Variants in PRPF8 observed in about 807,000 individuals in gnomAD.
PRPF8 encodes pre-mRNA-processing-splicing factor 8.
A neutral mutation model predicts 285.9 loss-of-function variants in PRPF8; 64 were observed. The observed-to-expected ratio is 0.22, with a 90% CI of 0.18 to 0.28. The LOEUF (loss-of-function observed/expected upper bound fraction) is 0.28. Ranked by LOEUF, PRPF8 falls within the 10% of genes least tolerant of loss-of-function variation. PRPF8 has a pLI of 1.00. For missense variants in PRPF8, 1,426 were observed against 3,026.7 expected (o/e 0.47, Z 12.41); for synonymous variants, 1,325 against 1,118.2 (o/e 1.18, Z -3.69).
intron 21 of PRPF8, 141 bp downstream of exon 21, chr17:1,674,301 C>T (rs975073224): frequency 4.0e-5 from 36 of 898,094 alleles, no homozygotes; most frequent in Non-Finnish European, 4.8e-5. Flanking sequence ...GGATTACAGG[C>T]GTGAGCTACC....
rs1249790552 is a variant in PRPF8, at chr17:1,661,941, T to G, written c.3987A>C (p.Ser1329=). 1 of 1,613,964 alleles carries G rather than the reference T, an allele frequency of 6.2e-7. No homozygotes were observed. ...ATTGGGGGATGAGCACATGGCCCAT[T>G]GAGAGCATGCCGAGTCCACCCAACT... ...PKELGGLGML[S]MGHVLIPQSD... is the part of the protein sequence containing the mutation. The change falls in exon 25 of 43, where the codon TCA becomes TCC. Residue 1329 remains serine, a synonymous_variant. Coordinates refer to ENST00000304992, the MANE Select transcript of PRPF8 (RefSeq NM_006445.4). This position sits in a 1 kb window ranked among gnomAD's most constrained non-coding sequence, Gnocchi z 7.3.
intron 24 of PRPF8, among the ~76,000 whole-genome samples, chr17:1,672,056 A>G (rs910941453): frequency 1.4e-4 from 21 of 152,168 alleles, no homozygotes; most frequent in African/African-American, 5.1e-4. Context: ...AAAATCTGAA[A>G]TCCAAAACAT....
intron 24 of PRPF8, among the ~76,000 whole-genome samples, chr17:1,672,658 C>T (rs1285898430): frequency 6.6e-6 from 1 of 152,050 alleles, no homozygotes; most frequent in Non-Finnish European, 1.5e-5. Flanking sequence ...TTCTCAATTC[C>T]GGTTGCCTTC....
At position 1,684,408 on chromosome 17, in the gene PRPF8, C is replaced by T; in HGVS notation, c.100+64G>A. 3.2e-6 allele frequency: 5 copies of T among 1,560,094 alleles called. No homozygotes were observed. The Admixed American group carries it at 8.4e-5, about 26-fold the overall frequency. ...TGCCCAAACGGGGAGGGTCCCCACC[C>T]GCCTGCGCGCGCGCACACCCGCCCC... On this transcript the variant is annotated intron_variant, in intron 2 of 42. Coordinates refer to ENST00000304992, the MANE Select transcript of PRPF8 (RefSeq NM_006445.4).
chr17:1,680,240 T>C (rs1234830759), intron 8 of PRPF8, among the ~76,000 whole-genome samples: 2 of 152,208 alleles, frequency 1.3e-5, no homozygotes, highest in South Asian at 2.1e-4. Context: ...GCCAAATCTA[T>C]AGACAGAAAG....
rs780039925 is a variant in PRPF8, at chr17:1,650,811, C to T, written c.6999G>A (p.Leu2333=). 45 of 1,613,938 alleles carry T rather than the reference C, an allele frequency of 2.8e-5. No homozygotes were observed. The highest frequency in any genetic ancestry group is 3.6e-5 in the Non-Finnish European group (43 of 1,180,006). Reference sequence around the variant, plus strand: ...GGAGGCAGGGAAACGGTCAGGCATACAGGTCCTCCCGATCCGCAGAGTAAA... The same window carrying T: ...GGAGGCAGGGAAACGGTCAGGCATATAGGTCCTCCCGATCCGCAGAGTAAA... ...GEVYSADRED[L]YA Residue 2333 remains leucine, a synonymous_variant, in exon 43 of 43, where the codon CTG becomes CTA. Coordinates refer to ENST00000304992, the MANE Select transcript of PRPF8 (RefSeq NM_006445.4).
rs769676574 is a variant in PRPF8, at chr17:1,684,513, G to C, written c.59C>G (p.Pro20Arg). The C allele has an allele frequency of 4.3e-6, 7 of 1,612,646 alleles. No homozygotes were observed. The Admixed American group carries it at 8.3e-5, about 19-fold the overall frequency. Residue 20 changes from proline (P) to arginine (R), a missense_variant, in exon 2 of 43, where the codon CCG becomes CGG. Around this residue, in one of 34 missense-constraint regions of PRPF8, gnomAD observed 72 missense variants for 80.0 expected, o/e 0.90. Coordinates refer to ENST00000304992, the MANE Select transcript of PRPF8 (RefSeq NM_006445.4). ...PGNPVPGPLA[P>R]LPDYMSEEKL... ...CTCCTCCGACATGTAGTCCGGTAGCGGGGCTAGAGGGCCAGGCACCGGGTT... is the reference window on the plus strand; with the variant it reads ...CTCCTCCGACATGTAGTCCGGTAGCCGGGCTAGAGGGCCAGGCACCGGGTT...
intron 24 of PRPF8, among the ~76,000 whole-genome samples, chr17:1,671,474 A>T (rs780702253): frequency 6.6e-6 from 1 of 152,180 alleles, no homozygotes; most frequent in Admixed American, 6.5e-5. Flanking sequence ...ATCCAGCATT[A>T]GAGAGGCTAA....
In PRPF8 at chr17:1,676,943, T is replaced by TAAAC; in HGVS notation, c.2181+32_2181+33insGTTT. The stretch of plus-strand genomic sequence containing the variant: ...GGTAATCCTACCCTAAAGACGGATG[T>TAAAC]TTACGCCTCCAAGGAAATAAAGAGA... On this transcript the variant is annotated intron_variant, in intron 15 of 42. Coordinates refer to ENST00000304992, the MANE Select transcript of PRPF8 (RefSeq NM_006445.4). This position sits in a 1 kb window ranked among gnomAD's most constrained non-coding sequence, Gnocchi z 6.3. 1 of 1,610,726 alleles carries TAAAC rather than the reference T, an allele frequency of 6.2e-7. No homozygotes were observed. The highest frequency in any genetic ancestry group is 8.5e-7 in the Non-Finnish European group (1 of 1,178,996).
chr17:1,654,925 C>G lies in PRPF8; in HGVS notation c.5987+425G>C, dbSNP rs555843700. On this transcript the variant is annotated intron_variant, in intron 37 of 42. Coordinates refer to ENST00000304992, the MANE Select transcript of PRPF8 (RefSeq NM_006445.4). The stretch of plus-strand genomic sequence containing the variant: ...GTATTACTAGCATGAGCACTCAAGC[C>G]TGGCTAAGACAAGATAATTTCTTGA... The G allele has an allele frequency of 1.4e-5, 3 of 218,484 alleles. No individual in the cohort carries two copies. In the South Asian group the frequency reaches 2.0e-4, roughly 14 times the overall value. 13.5% of individuals were successfully genotyped at this position (218,484 alleles called of 1,614,324 possible). A position where few individuals can be genotyped will look rare whatever the true frequency, so the allele number is the denominator to read the frequency against.
chr17:1,664,454 A>G (rs957469606), intron 24 of PRPF8, among the ~76,000 whole-genome samples: 2 of 152,202 alleles, frequency 1.3e-5, no homozygotes, highest in African/African-American at 4.8e-5. Flanking sequence ...ACAGATTAAC[A>G]GATATTTTCC....
rs1366324907 is a variant in PRPF8, at chr17:1,659,849, A to G, written c.4938T>C (p.Ala1646=). The part of the protein sequence containing the change: ...KWNVSRPSLL[A]DSKDVMDSTT... ...GGTCCTGAGGCACTTACTTGGAGTCAGCCAGCAATGAGGGCCGGGAGACAT... is the reference window on the plus strand; with the variant it reads ...GGTCCTGAGGCACTTACTTGGAGTCGGCCAGCAATGAGGGCCGGGAGACAT... Residue 1646 remains alanine, a synonymous_variant, in exon 31 of 43, where the codon GCT becomes GCC. Coordinates refer to ENST00000304992, the MANE Select transcript of PRPF8 (RefSeq NM_006445.4). The surrounding 1 kb of genome is among the most constrained non-coding windows in gnomAD (Gnocchi z 5.1). 3 of 1,614,084 alleles carry G rather than the reference A, an allele frequency of 1.9e-6. No homozygotes were observed. Among genetic ancestry groups the G allele is most frequent in the Non-Finnish European group, 2.5e-6 (3 of 1,180,018 alleles).
rs1478282442 is a variant in PRPF8 at position 1,684,837 on chromosome 17, C to T, written c.-69G>A. 3.4e-6 allele frequency: 2 copies of T among 595,762 alleles called. No individual in the cohort carries two copies. The highest frequency in any genetic ancestry group is 6.0e-6 in the Non-Finnish European group (2 of 333,802). The allele number at this position is 595,762 out of a possible 1,614,324, so 36.9% of individuals were successfully genotyped here. A position where few individuals can be genotyped will look rare whatever the true frequency, so the allele number is the denominator to read the frequency against. ...CCGCAGCGCAATGGCGGCCAGACTG[C>T]GTCCGCTCCGCGTTCCCAGCGCCGG... On this transcript the variant is annotated 5_prime_UTR_variant, in exon 1 of 43. Transcript: ENST00000304992.
chr17:1,677,243 G>T, intron 14 of PRPF8, 71 bp from the exon 15 acceptor site: 1 of 1,399,366 alleles, frequency 7.1e-7, no homozygotes, highest in Non-Finnish European at 1.0e-6. Context: ...CTACCTTCAT[G>T]CTCCTCACTC....
chr17:1,670,766 C>T (rs554513873), intron 24 of PRPF8, among the ~76,000 whole-genome samples: 1 of 152,242 alleles, frequency 6.6e-6, no homozygotes, highest in South Asian at 2.1e-4. Context: ...GGATTACAGG[C>T]GTGAGCCCCC....
At chr17:1,655,085 G>T in intron 37 of PRPF8, 4 of 434,350 alleles carry the variant, frequency 9.2e-6, no homozygotes, top group Non-Finnish European at 1.3e-5. Flanking sequence ...AGCCTCCCGA[G>T]TAGCTGGGAT....
chr17:1,659,055 TCA>T lies in PRPF8; in HGVS notation c.5139-294_5139-293del. ...TATTATTTTTCTTTGAGATGGAGTCTCACTCTGTCGCCCAGGCTGGAGTGCAG... is the reference window on the plus strand; with the variant it reads ...TATTATTTTTCTTTGAGATGGAGTCTCTCTGTCGCCCAGGCTGGAGTGCAG... On this transcript the variant is annotated intron_variant, in intron 32 of 42. Coordinates refer to ENST00000304992, the MANE Select transcript of PRPF8 (RefSeq NM_006445.4). The surrounding 1 kb of genome is among the most constrained non-coding windows in gnomAD (Gnocchi z 5.1). 2 of 542,334 alleles carry T rather than the reference TCA, an allele frequency of 3.7e-6. No individual in the cohort carries two copies. Among genetic ancestry groups the T allele is most frequent in the Non-Finnish European group, 6.4e-6 (2 of 311,990 alleles). 33.6% of individuals were successfully genotyped at this position (542,334 alleles called of 1,614,324 possible). A position where few individuals can be genotyped will look rare whatever the true frequency, so the allele number is the denominator to read the frequency against.
At chr17:1,667,233 A>G (rs1912041834) in intron 24 of PRPF8, among the ~76,000 whole-genome samples, 1 of 151,864 alleles carries the variant, frequency 6.6e-6, no homozygotes, top group Non-Finnish European at 1.5e-5. Context: ...AGGCAAGTGG[A>G]TGATTCCCAT....
At position 1,653,270 on chromosome 17, in the gene PRPF8, C is replaced by G; in HGVS notation, c.6369+272G>C. On this transcript the variant is annotated intron_variant, in intron 39 of 42. Transcript: ENST00000304992. This position sits in a 1 kb window ranked among gnomAD's most constrained non-coding sequence, Gnocchi z 4.9. ...TTGGGATTACAGGCATGAGCCAGCA[C>G]GCACACCTGGTCAGGAATTTGTTTC... 1 of 575,320 alleles carries G rather than the reference C, an allele frequency of 1.7e-6. No individual in the cohort carries two copies. Among genetic ancestry groups the G allele is most frequent in the Non-Finnish European group, 3.1e-6 (1 of 318,994 alleles). The allele number at this position is 575,320 out of a possible 1,614,324, so 35.6% of individuals were successfully genotyped here. A position where few individuals can be genotyped will look rare whatever the true frequency, so the allele number is the denominator to read the frequency against.
Sources: allele counts gnomAD v4.1 joint callset (sites outside exome capture counted in the v4.1 genomes callset), GRCh38; gene constraint gnomAD v4.1.1; regional missense constraint gnomAD v4.1.1; non-coding constraint Gnocchi (gnomAD v3.1); transcripts MANE v1.5; gene names NCBI Gene and HGNC (gene_info 2026-07-23, HGNC 2026-07-21).